The following CDAN1 variants were observed in gnomAD, a reference collection of about 807,000 sequenced individuals.
CDAN1 encodes codanin 1, also known as codanin-1.
Under a neutral mutation model 139.8 loss-of-function variants are expected in CDAN1, and 107 were observed. That is an observed-to-expected ratio of 0.77 (90% CI 0.65 to 0.90). The LOEUF (loss-of-function observed/expected upper bound fraction) is 0.90, where lower values mean the gene tolerates loss of function less well. CDAN1 is among the 40% of genes least tolerant of loss of function. CDAN1 has a pLI of 0.00. For missense variants in CDAN1, 1,667 were observed against 1,575.7 expected, an observed-to-expected ratio of 1.06 and a Z score of -0.98; for synonymous variants, 776 against 660.6, an observed-to-expected ratio of 1.17 and a Z score of -2.68.
intron 11 of CDAN1, 107 bp from the exon 12 acceptor site, chr15:42,731,438 G>T: frequency 6.5e-7 from 1 of 1,529,804 alleles, no homozygotes; most frequent in Non-Finnish European, 9.0e-7. Flanking sequence ...CAGACAGGGA[G>T]GCCCAGGAGC....
Position 42,724,440 on chromosome 15 carries a change from C to G in CDAN1, c.*51G>C. 1 of 1,558,542 alleles carries G rather than the reference C, an allele frequency of 6.4e-7. No homozygotes were observed. ...TGGGCACTTGGGCCTCCTCGTGAGG[C>G]GGGGGTCCAGGGTTCTGGTGCAATG... On this transcript the variant is annotated 3_prime_UTR_variant, in exon 28 of 28. Coordinates refer to ENST00000356231, the MANE Select transcript of CDAN1 (RefSeq NM_138477.4).
At chr15:42,731,853 TA>T in intron 10 of CDAN1, 28 bp from the exon 11 acceptor site, 1 of 1,609,326 alleles carries the variant, frequency 6.2e-7, no homozygotes. Context: ...GGAGAGAAAT[TA>T]AAAAAATCAG....
chr15:42,732,699 G>C lies in CDAN1; in HGVS notation c.1458-291C>G, dbSNP rs191075294. On this transcript the variant is annotated intron_variant, in intron 9 of 27. Coordinates refer to ENST00000356231, the MANE Select transcript of CDAN1 (RefSeq NM_138477.4). ...TTTCATGAGCAATGTGAAGGGAGATGACTGGACTGAGGTTCGCGTTCTGAG... is the reference window on the plus strand; with the variant it reads ...TTTCATGAGCAATGTGAAGGGAGATCACTGGACTGAGGTTCGCGTTCTGAG... 2.6e-3 allele frequency among the ~76,000 whole-genome samples: 400 copies of C among 152,284 alleles called. 1 individual carries two copies. Among genetic ancestry groups the C allele is most frequent in the Middle Eastern group, 0.017 (5 of 294 alleles).
In CDAN1 at chr15:42,736,466, G is replaced by A. The variant is rs1251680197; in HGVS notation, c.405C>T (p.Gly135=). The A allele has an allele frequency of 2.0e-6, 3 of 1,519,476 alleles. No homozygotes were observed. Among genetic ancestry groups the A allele is most frequent in the East Asian group, 5.1e-5 (2 of 39,402 alleles). 94.1% of individuals were successfully genotyped at this position (1,519,476 alleles called of 1,614,324 possible). A position where few individuals can be genotyped will look rare whatever the true frequency, so the allele number is the denominator to read the frequency against. ...PGPARERGGR[G]LEEGVSGESL... ...TCTCCCCGCTGACCCCCTCCTCCAGGCCGCGGCCTCCACGCTCGCGGGCCG... is the reference window on the plus strand; with the variant it reads ...TCTCCCCGCTGACCCCCTCCTCCAGACCGCGGCCTCCACGCTCGCGGGCCG... Residue 135 remains glycine (G), a synonymous_variant, in exon 2 of 28, where the codon GGC becomes GGT. Coordinates refer to ENST00000356231, the MANE Select transcript of CDAN1 (RefSeq NM_138477.4).
intron 23 of CDAN1, chr15:42,727,342 T>A (rs561814134): frequency 2.6e-6 from 1 of 387,548 alleles, no homozygotes; most frequent in African/African-American, 2.1e-5. Flanking sequence ...ACCACCGCAC[T>A]CTCATCACCA....
In CDAN1 at chr15:42,731,686, G is replaced by A; in HGVS notation, c.1673C>T (p.Pro558Leu). Residue 558 changes from proline (P) to leucine (L), a missense_variant, in exon 11 of 28, where the codon CCC (proline) becomes CTC (leucine). Pro to Leu is a moderately conservative substitution (Grantham distance 98). Transcript: ENST00000356231. ...RLMAPQSSGG[P>L]CPPPTFPGCQ... ...GCCTGGGAAGGTGGGGGGTGGGCAG[G>A]GCCCCCCACTGCTCTGAGGAGCCAT... The A allele has an allele frequency of 6.2e-7, 1 of 1,614,076 alleles. No individual in the cohort carries two copies. Among genetic ancestry groups the A allele is most frequent in the South Asian group, 1.1e-5 (1 of 91,088 alleles).
In CDAN1 at chr15:42,728,817, C is replaced by G; in HGVS notation, c.2646-7G>C. The G allele has an allele frequency of 6.2e-7, 1 of 1,614,126 alleles. No homozygotes were observed. Among genetic ancestry groups the G allele is most frequent in the Non-Finnish European group, 8.5e-7 (1 of 1,180,010 alleles). ...ATCTGCCACCAGTGTAGCCCTGCAG[C>G]AGGGACAGCAAGGTTGGGGATGGTT... On this transcript the variant is annotated splice_polypyrimidine_tract_variant and splice_region_variant and intron_variant, in intron 19 of 27. Transcript: ENST00000356231.
chr15:42,724,653 G>GTAAT (rs2061499248), intron 27 of CDAN1, 37 bp from the exon 28 acceptor site: 1 of 1,550,212 alleles, frequency 6.5e-7, no homozygotes, highest in African/African-American at 1.4e-5. Context: ...AAGGCAGCAT[G>GTAAT]TAATAATTCT....
Position 42,730,585 on chromosome 15 carries a change from T to C in CDAN1, c.2174+13A>G. ...CGAATCCTTTCATCAAGCCTCAGCC[T>C]TGTTCCACTCACCGGTGCAGGCGCA... On this transcript the variant is annotated intron_variant, in intron 14 of 27. Transcript: ENST00000356231. The C allele has an allele frequency of 1.9e-6, 3 of 1,613,992 alleles. No individual in the cohort carries two copies. Among genetic ancestry groups the C allele is most frequent in the Non-Finnish European group, 2.5e-6 (3 of 1,179,878 alleles).
intron 15 of CDAN1, 77 bp from the exon 16 acceptor site, chr15:42,729,962 G>A (rs1289149169): frequency 2.5e-6 from 3 of 1,179,346 alleles, no homozygotes; most frequent in African/African-American, 3.1e-5. Flanking sequence ...CGGTCCCAGG[G>A]TGTAGGCGCC....
At position 42,737,118 on chromosome 15, in the gene CDAN1, C is replaced by T. The variant is rs1419698832; in HGVS notation, c.-16G>A. On this transcript the variant is annotated 5_prime_UTR_variant, in exon 1 of 28. Transcript: ENST00000356231. ...CGGCCGCCATCCCGGTCGGGGCGCTCTGGGGCGACTGCGCAGGCGCCGGCG... is the reference window on the plus strand; with the variant it reads ...CGGCCGCCATCCCGGTCGGGGCGCTTTGGGGCGACTGCGCAGGCGCCGGCG... 7.0e-7 allele frequency: 1 copy of T among 1,429,886 alleles called. No homozygotes were observed. The highest frequency in any genetic ancestry group is 1.3e-5 in the South Asian group (1 of 75,620). 88.6% of individuals were successfully genotyped at this position (1,429,886 alleles called of 1,614,324 possible). A position where few individuals can be genotyped will look rare whatever the true frequency, so the allele number is the denominator to read the frequency against.
At chr15:42,731,447 G>GA in intron 11 of CDAN1, 116 bp from the exon 12 acceptor site, 1 of 1,504,144 alleles carries the variant, frequency 6.6e-7, no homozygotes, top group Non-Finnish European at 9.2e-7. Flanking sequence ...AGGCCCAGGA[G>GA]CAATGAAATC....
chr15:42,727,811 C>T lies in CDAN1; in HGVS notation c.2948-42G>A. 3.1e-6 allele frequency: 5 copies of T among 1,611,836 alleles called. 1 individual carries two copies. The highest frequency in any genetic ancestry group is 2.2e-5 in the South Asian group (2 of 90,912). On this transcript the variant is annotated intron_variant, in intron 22 of 27. Transcript: ENST00000356231. ...GAATGGGAAAGGAATCACGGGAGGG[C>T]CCTGCACAGGTTCACCATGCTAACC... is the stretch of plus-strand genomic sequence containing the variant.
intron 13 of CDAN1, 44 bp from the exon 14 acceptor site, chr15:42,730,808 G>C: frequency 6.2e-7 from 1 of 1,612,964 alleles, no homozygotes. Flanking sequence ...CCCTAGGAAG[G>C]GCTGGGAGAT....
At chr15:42,730,516 C>G in intron 14 of CDAN1, 82 bp downstream of exon 14, 1 of 1,519,312 alleles carries the variant, frequency 6.6e-7, no homozygotes, top group South Asian at 1.2e-5. Flanking sequence ...GCAGACTGCT[C>G]GACCCTCTTT....
chr15:42,735,862 G>C lies in CDAN1; in HGVS notation c.773+13C>G. ...CGAGGAAACCGATATCCCCAGGAGCGGCCAGGCCATACCGCTCCTTCCTGA... is the reference window on the plus strand; with the variant it reads ...CGAGGAAACCGATATCCCCAGGAGCCGCCAGGCCATACCGCTCCTTCCTGA... On this transcript the variant is annotated intron_variant, in intron 3 of 27. Coordinates refer to ENST00000356231, the MANE Select transcript of CDAN1 (RefSeq NM_138477.4). 1 of 1,613,856 alleles carries C rather than the reference G, an allele frequency of 6.2e-7. No homozygotes were observed. The highest frequency in any genetic ancestry group is 8.5e-7 in the Non-Finnish European group (1 of 1,179,872).
chr15:42,731,811 A>T lies in CDAN1; in HGVS notation c.1548T>A (p.Pro516=). 1 of 1,614,066 alleles carries T rather than the reference A, an allele frequency of 6.2e-7. No homozygotes were observed. Among genetic ancestry groups the T allele is most frequent in the East Asian group, 2.2e-5 (1 of 44,884 alleles). Residue 516 remains proline, a synonymous_variant, in exon 11 of 28, where the codon CCT becomes CCA. Coordinates refer to ENST00000356231, the MANE Select transcript of CDAN1 (RefSeq NM_138477.4). The part of the protein sequence containing the change: ...QKQLLQMCQS[P]GGAGGTVLGE... ...CCAAGACGGTGCCCCCAGCACCACC[A>T]GGGCTCTGACACATCTAGGGTGGAA... is the stretch of plus-strand genomic sequence containing the variant.
Position 42,726,251 on chromosome 15 carries a change from A to G in CDAN1, c.3204+59T>C, listed in dbSNP as rs2061525779. ...GCCCTGAGCCAGTGTGGCTCTGGTT[A>G]TCAGGTCTCACACAAGGACACAGAA... On this transcript the variant is annotated intron_variant, in intron 24 of 27. Transcript: ENST00000356231. The G allele has an allele frequency of 3.1e-6, 5 of 1,597,916 alleles. No individual in the cohort carries two copies. In the South Asian group the frequency reaches 4.4e-5, roughly 14 times the overall value.
Position 42,724,241 on chromosome 15 carries a change from ACAC to A in CDAN1, c.*247_*249del, listed in dbSNP as rs1352607384. The stretch of plus-strand genomic sequence containing the variant: ...CATTTAGTATCCAAGAGATAAACAA[ACAC>A]CACCTCTTCTACTCCAGGACTGGCA... On this transcript the variant is annotated 3_prime_UTR_variant, in exon 28 of 28. Transcript: ENST00000356231. The A allele has an allele frequency of 8.7e-5, 44 of 506,364 alleles. No homozygotes were observed. Among genetic ancestry groups the A allele is most frequent in the Non-Finnish European group, 1.6e-4 (43 of 276,616 alleles). 31.4% of individuals were successfully genotyped at this position (506,364 alleles called of 1,614,324 possible).
Sources: gnomAD v4.1 joint callset for allele counts (sites outside exome capture counted in the v4.1 genomes callset) on GRCh38, gnomAD v4.1.1 for gene constraint, MANE v1.5 for transcripts, NCBI Gene and HGNC (gene_info 2026-07-23, HGNC 2026-07-21) for gene names.